The following HOMER1 variants were observed in gnomAD, a reference collection of about 807,000 sequenced individuals.
HOMER1 encodes homer scaffold protein 1.
In HOMER1, 3 loss-of-function variants were observed where a neutral mutation model predicts 48.9. That is an observed-to-expected ratio of 0.06 (90% CI 0.03 to 0.16). The LOEUF (loss-of-function observed/expected upper bound fraction) is 0.16. Ranked by LOEUF, HOMER1 falls within the 10% of genes least tolerant of loss-of-function variation. The pLI is 1.00. For missense variants in HOMER1, 247 were observed against 411.4 expected, an observed-to-expected ratio of 0.60 and a Z score of 3.46; for synonymous variants, 134 against 146.4, an observed-to-expected ratio of 0.92 and a Z score of 0.61.
chr5:79,462,100 G>A (rs1034594391), intron 1 of HOMER1, among the ~76,000 whole-genome samples: 46 of 152,120 alleles, frequency 3.0e-4, no homozygotes, highest in African/African-American at 8.2e-4. Flanking sequence ...TCAGGAGGCT[G>A]CGGCAGGAGA....
Position 79,513,179 on chromosome 5 carries a change from T to C in HOMER1, c.-405A>G. ...CCAGGTAACTCGGCCTTTTCGGAGC[T>C]AAGGCTGCGGGTTCAAATTTCTCCA... On this transcript the variant is annotated 5_prime_UTR_variant, in exon 1 of 9. Coordinates refer to ENST00000334082, the MANE Select transcript of HOMER1 (RefSeq NM_004272.5). 5.4e-6 allele frequency: 1 copy of C among 183,706 alleles called. No homozygotes were observed. Among genetic ancestry groups the C allele is most frequent in the South Asian group, 1.4e-4 (1 of 7,288 alleles). 11.4% of individuals were successfully genotyped at this position (183,706 alleles called of 1,614,324 possible). A position where few individuals can be genotyped will look rare whatever the true frequency, so the allele number is the denominator to read the frequency against.
chr5:79,484,562 A>T (rs901723848), intron 1 of HOMER1, among the ~76,000 whole-genome samples: 2 of 152,182 alleles, frequency 1.3e-5, no homozygotes, highest in South Asian at 2.1e-4. Context: ...AAAATAAATT[A>T]AAAAAATAAA....
At chr5:79,416,238 C>T (rs1006094744) in intron 5 of HOMER1, among the ~76,000 whole-genome samples, 2 of 152,098 alleles carry the variant, frequency 1.3e-5, no homozygotes, top group Non-Finnish European at 2.9e-5. Context: ...ATTCTTAGTA[C>T]AGATGTATTA....
intron 1 of HOMER1, among the ~76,000 whole-genome samples, chr5:79,511,550 G>T (rs1361457995): frequency 6.6e-6 from 1 of 152,162 alleles, no homozygotes; most frequent in Non-Finnish European, 1.5e-5. Context: ...TAATAGCAGC[G>T]CTAGAAATAG....
intron 8 of HOMER1, among the ~76,000 whole-genome samples, chr5:79,380,795 G>A (rs753841001): frequency 2.0e-5 from 3 of 152,140 alleles, no homozygotes; most frequent in Non-Finnish European, 4.4e-5. Context: ...AGGGGAATAA[G>A]GTTGGGCTTA....
At chr5:79,426,355 A>G (rs1410376010) in intron 5 of HOMER1, among the ~76,000 whole-genome samples, 2 of 152,160 alleles carry the variant, frequency 1.3e-5, no homozygotes, top group African/African-American at 2.4e-5. Context: ...CAGTCAAGAC[A>G]TAGAATCAAC....
At chr5:79,393,845 C>CT (rs113271621) in intron 8 of HOMER1, among the ~76,000 whole-genome samples, 36 of 152,182 alleles carry the variant, frequency 2.4e-4, no homozygotes, top group African/African-American at 8.4e-4. Context: ...AGCCATTGGG[C>CT]TTATGACATA....
chr5:79,499,859 A>T (rs1752526470), intron 1 of HOMER1, among the ~76,000 whole-genome samples: 1 of 152,196 alleles, frequency 6.6e-6, no homozygotes, highest in African/African-American at 2.4e-5. Flanking sequence ...TGCCACAGTA[A>T]ATTGTGTATC....
chr5:79,505,001 G>A (rs1752708736), intron 1 of HOMER1, among the ~76,000 whole-genome samples: 1 of 151,592 alleles, frequency 6.6e-6, no homozygotes, highest in Admixed American at 6.6e-5. Flanking sequence ...AACTAGGCTG[G>A]GCACAGTAGC....
intron 8 of HOMER1, among the ~76,000 whole-genome samples, chr5:79,379,114 A>ATATATATAT (rs70975748): frequency 8.5e-5 from 7 of 82,288 alleles, no homozygotes; most frequent in African/African-American, 2.7e-4. Context: ...ATATATATAT[A>ATATATATAT]AAATATATAA....
At chr5:79,472,304 A>T (rs901106138) in intron 1 of HOMER1, among the ~76,000 whole-genome samples, 2 of 152,212 alleles carry the variant, frequency 1.3e-5, no homozygotes, top group Non-Finnish European at 2.9e-5. Context: ...AAGAAAAAAA[A>T]TTTTTTAAGC....
Position 79,379,079 on chromosome 5 carries a change from CATAT to C in HOMER1, c.877-2886_877-2883del, listed in dbSNP as rs3082000. Among the ~76,000 whole-genome samples, 128 of 55,198 alleles carry C rather than the reference CATAT, an allele frequency of 2.3e-3. 4 individuals carry two copies. Among genetic ancestry groups the C allele is most frequent in the Middle Eastern group, 0.012 (1 of 82 alleles). 36.2% of individuals were successfully genotyped at this position (55,198 alleles called of 152,430 possible). On this transcript the variant is annotated intron_variant, in intron 8 of 8. Transcript: ENST00000334082. ...ACTTCTTAGGTGTCTACCTTTTGTC[CATAT>C]ATATATATATATATATATATATATA...
chr5:79,376,914 C>T (rs562617834), intron 8 of HOMER1, among the ~76,000 whole-genome samples: 1 of 152,232 alleles, frequency 6.6e-6, no homozygotes, highest in East Asian at 1.9e-4. Flanking sequence ...ACAGAATAAA[C>T]TCTGGCACAC....
At chr5:79,430,766 G>A (rs184868889) in intron 5 of HOMER1, among the ~76,000 whole-genome samples, 7 of 151,784 alleles carry the variant, frequency 4.6e-5, no homozygotes, top group African/African-American at 1.2e-4. Context: ...GTGAAACCCC[G>A]TTTCTACTAA....
At chr5:79,447,832 TTA>T (rs1750925272) in intron 3 of HOMER1, among the ~76,000 whole-genome samples, 2 of 152,150 alleles carry the variant, frequency 1.3e-5, no homozygotes, top group Non-Finnish European at 2.9e-5. Context: ...GAATATCTAT[TTA>T]TGTTTTGGAA....
At chr5:79,460,196 G>A (rs1211589878) in intron 1 of HOMER1, among the ~76,000 whole-genome samples, 2 of 152,096 alleles carry the variant, frequency 1.3e-5, no homozygotes, top group Admixed American at 1.3e-4. Context: ...GCCACGTGTG[G>A]TGGCTCACAC....
At chr5:79,479,706 G>A (rs1402367406) in intron 1 of HOMER1, among the ~76,000 whole-genome samples, 1 of 152,120 alleles carries the variant, frequency 6.6e-6, no homozygotes, top group Non-Finnish European at 1.5e-5. Context: ...CCAAGTTAGT[G>A]TAATTTCTTA....
chr5:79,396,405 G>C (rs1749386438), intron 8 of HOMER1, among the ~76,000 whole-genome samples: 1 of 150,892 alleles, frequency 6.6e-6, no homozygotes, highest in Non-Finnish European at 1.5e-5. Context: ...TTTTTATTAA[G>C]ACAGGATCCC....
At chr5:79,392,202 T>C (rs1749270685) in intron 8 of HOMER1, among the ~76,000 whole-genome samples, 1 of 152,228 alleles carries the variant, frequency 6.6e-6, no homozygotes, top group Admixed American at 6.5e-5. Flanking sequence ...GTACTCCTTC[T>C]ACTTATTTAA....
Sources: gnomAD v4.1 joint callset for allele counts (sites outside exome capture counted in the v4.1 genomes callset) on GRCh38, gnomAD v4.1.1 for gene constraint, MANE v1.5 for transcripts, NCBI Gene and HGNC (gene_info 2026-07-23, HGNC 2026-07-21) for gene names.